Variants in DST observed in about 807,000 individuals in gnomAD.
DST encodes the protein dystonin, also known as bullous pemphigoid antigen.
A neutral mutation model predicts 875.2 loss-of-function variants in DST; 253 were observed. The ratio of observed to expected loss-of-function variants is 0.29; its 90% CI spans 0.26 to 0.32. The LOEUF (loss-of-function observed/expected upper bound fraction) is 0.32, where lower values mean the gene tolerates loss of function less well. Among genes scored for constraint, DST ranks in the 10% least tolerant of loss-of-function variants. The probability of loss-of-function intolerance (pLI) is 1.00; values close to 1 mark genes in which losing one functional copy is unlikely to be tolerated. For synonymous variants in DST, 3,124 were observed against 3,197.1 expected (o/e 0.98, Z 0.77); for missense variants, 8,287 against 9,111.6 (o/e 0.91, Z 3.68).
At chr6:56,819,819 T>G (rs1160018880) in intron 4 of DST, among the ~76,000 whole-genome samples, 1 of 152,248 alleles carries the variant, frequency 6.6e-6, no homozygotes, top group Non-Finnish European at 1.5e-5. Flanking sequence ...TCTTTTCTTA[T>G]GAACTGCCTA....
At chr6:56,864,154 T>C (rs1268508429) in intron 3 of DST, 1 of 152,198 alleles carries the variant, frequency 6.6e-6, no homozygotes, top group Non-Finnish European at 1.5e-5. Flanking sequence ...AGAATTTTCC[T>C]CAAGACTGCA....
At chr6:56,625,716 T>C (rs1218937844) in intron 34 of DST, among the ~76,000 whole-genome samples, 2 of 151,050 alleles carry the variant, frequency 1.3e-5, no homozygotes. Flanking sequence ...GTTGTTGTTT[T>C]AGAGTGTACT....
At chr6:56,555,234 C>A in intron 60 of DST, 111 bp downstream of exon 60, 1 of 1,200,960 alleles carries the variant, frequency 8.3e-7, no homozygotes, top group Non-Finnish European at 1.2e-6. Context: ...CTGATGTTAA[C>A]AGTGGGGCAG....
intron 3 of DST, among the ~76,000 whole-genome samples, chr6:56,854,323 G>A (rs981227787): frequency 1.3e-5 from 2 of 151,834 alleles, no homozygotes; most frequent in Non-Finnish European, 2.9e-5. Context: ...TAGAAAGGTA[G>A]GACAAAGGAA....
intron 80 of DST, 26 bp from the exon 81 acceptor site, chr6:56,498,079 T>C (rs1184627690): frequency 6.3e-7 from 1 of 1,589,842 alleles, no homozygotes; most frequent in Non-Finnish European, 8.6e-7. Context: ...TAACACCATG[T>C]TTGCTAGTTT....
At chr6:56,791,649 G>T (rs776982201) in intron 4 of DST, among the ~76,000 whole-genome samples, 1 of 151,876 alleles carries the variant, frequency 6.6e-6, no homozygotes, top group Non-Finnish European at 1.5e-5. Flanking sequence ...GCCAAGTGTG[G>T]TGGCACATGT....
chr6:56,884,983 G>A (rs1419880949), intron 3 of DST, among the ~76,000 whole-genome samples: 1 of 151,400 alleles, frequency 6.6e-6, no homozygotes, highest in African/African-American at 2.5e-5. Flanking sequence ...GCCCACCTCG[G>A]CCTCCCAAAG....
At chr6:56,739,605 G>T (rs1042945539) in intron 4 of DST, among the ~76,000 whole-genome samples, 1 of 152,146 alleles carries the variant, frequency 6.6e-6, no homozygotes, top group East Asian at 1.9e-4. Flanking sequence ...CTAAGTCACA[G>T]GTTGAGATAG....
At chr6:56,953,139 C>T (rs1823212404) in intron 2 of DST, among the ~76,000 whole-genome samples, 2 of 152,176 alleles carry the variant, frequency 1.3e-5, no homozygotes, top group Admixed American at 6.5e-5. Context: ...GGAGGTTGGC[C>T]TGAAAACTCC....
intron 2 of DST, among the ~76,000 whole-genome samples, chr6:56,921,220 T>C (rs1804064020): frequency 6.6e-6 from 1 of 152,176 alleles, no homozygotes; most frequent in African/African-American, 2.4e-5. Context: ...TATAGGTTTA[T>C]TATCTAGAAA....
chr6:56,626,279 T>C (rs1399524151), intron 34 of DST, among the ~76,000 whole-genome samples: 11 of 152,260 alleles, frequency 7.2e-5, no homozygotes, highest in Non-Finnish European at 1.5e-4. Context: ...CAGAGCTCAC[T>C]CACTAACTCA....
At chr6:56,937,350 G>T (rs537209753) in intron 2 of DST, among the ~76,000 whole-genome samples, 12 of 152,040 alleles carry the variant, frequency 7.9e-5, no homozygotes, top group Admixed American at 6.6e-4. Context: ...TTTTACAATG[G>T]ACAAAAGATT....
chr6:56,515,493 G>T lies in DST; in HGVS notation c.18533C>A (p.Ala6178Asp). The T allele has an allele frequency of 6.2e-7, 1 of 1,613,872 alleles. No individual in the cohort carries two copies. The highest frequency in any genetic ancestry group is 1.7e-5 in the Admixed American group (1 of 60,010). ...CTGCCTTAGAGTTTCATATTCAAGGGCTGGGGCGGGAAGCTGAGAGATGAT... is the reference window on the plus strand; with the variant it reads ...CTGCCTTAGAGTTTCATATTCAAGGTCTGGGGCGGGAAGCTGAGAGATGAT... ...QSIISQLPAP[A>D]LEYETLRQQQ... The change falls in exon 72 of 104, where the codon GCC (alanine) becomes GAC (aspartate). Residue 6178 changes from alanine (A) to aspartate (D), a missense_variant. This residue lies in a region of DST where 1,292 missense variants were observed against 1,552.7 expected (regional missense o/e 0.83). Transcript: ENST00000680361.
chr6:56,603,509 C>T (rs928260310), intron 41 of DST, 55 bp downstream of exon 41: 4 of 1,587,478 alleles, frequency 2.5e-6, no homozygotes, highest in Admixed American at 1.8e-5. Context: ...GCTTCTTTTT[C>T]CCAGTCATAC....
intron 89 of DST, 197 bp downstream of exon 89, chr6:56,482,486 A>G: frequency 1.8e-6 from 1 of 563,210 alleles, no homozygotes; most frequent in Non-Finnish European, 3.0e-6. Flanking sequence ...TGAAGATTAG[A>G]ATGCCTCCCT....
intron 3 of DST, among the ~76,000 whole-genome samples, chr6:56,880,312 C>A (rs1328352057): frequency 6.6e-6 from 1 of 152,208 alleles, no homozygotes; most frequent in Non-Finnish European, 1.5e-5. Context: ...TGTAATTCTT[C>A]TCATTACTAA....
At chr6:56,507,501 G>A (rs114399098) in intron 75 of DST, among the ~76,000 whole-genome samples, 865 of 152,246 alleles carry the variant, frequency 5.7e-3, no homozygotes, top group Middle Eastern at 0.014. Context: ...AAAGTATTAC[G>A]GGAACACAGA....
chr6:56,803,708 C>G (rs541227802), intron 4 of DST, among the ~76,000 whole-genome samples: 4 of 152,198 alleles, frequency 2.6e-5, no homozygotes. Flanking sequence ...AGTTCAAATA[C>G]TTTAATACTG....
Position 56,894,710 on chromosome 6 carries a change from AC to A in DST, c.417+5710del, listed in dbSNP as rs1248260351. Among the ~76,000 whole-genome samples the A allele has an allele frequency of 2.4e-4, 10 of 42,100 alleles. 1 individual carries two copies. Among genetic ancestry groups the A allele is most frequent in the South Asian group, 8.8e-4 (1 of 1,134 alleles). 27.6% of individuals were successfully genotyped at this position (42,100 alleles called of 152,430 possible). A position where few individuals can be genotyped will look rare whatever the true frequency, so the allele number is the denominator to read the frequency against. ...GGGCGGCTGGCCGGGCGGGGGGCTG[AC>A]CCCCCCCACCTCCCTCCCGGACGGG... On this transcript the variant is annotated intron_variant, in intron 3 of 103. Transcript: ENST00000680361.
Sources: allele counts gnomAD v4.1 joint callset (sites outside exome capture counted in the v4.1 genomes callset), GRCh38; gene constraint gnomAD v4.1.1; regional missense constraint gnomAD v4.1.1; transcripts MANE v1.5; gene names NCBI Gene and HGNC (gene_info 2026-07-23, HGNC 2026-07-21).